ADAMTSL1: variants seen among roughly 807,000 people sequenced by gnomAD.
ADAMTSL1 encodes the protein ADAMTS-like protein 1.
In ADAMTSL1, 126 loss-of-function variants were observed where a neutral mutation model predicts 201.8. The ratio of observed to expected loss-of-function variants is 0.62; its 90% CI spans 0.54 to 0.72. The LOEUF (loss-of-function observed/expected upper bound fraction) is 0.72. Ranked by LOEUF, ADAMTSL1 falls within the 30% of genes least tolerant of loss-of-function variation. The pLI is 0.00. For missense variants in ADAMTSL1, 2,679 were observed against 2,277.8 expected (o/e 1.18, Z -3.59); for synonymous variants, 1,121 against 903.4 (o/e 1.24, Z -4.32).
At chr9:17,946,742 T>A (rs1179206910) in intron 1 of ADAMTSL1, among the ~76,000 whole-genome samples, 3 of 152,194 alleles carry the variant, frequency 2.0e-5, no homozygotes, top group Non-Finnish European at 2.9e-5. Flanking sequence ...TTATTTCAGT[T>A]GCTCCCTTGC....
chr9:17,954,215 C>G (rs1269471376), intron 1 of ADAMTSL1, among the ~76,000 whole-genome samples: 1 of 152,182 alleles, frequency 6.6e-6, no homozygotes, highest in East Asian at 1.9e-4. Context: ...CAGCTGGCTT[C>G]TCCTAGAGTA....
chr9:18,872,584 A>G (rs746446204), intron 23 of ADAMTSL1, among the ~76,000 whole-genome samples: 1 of 152,162 alleles, frequency 6.6e-6, no homozygotes, highest in Non-Finnish European at 1.5e-5. Context: ...AGAACATAAA[A>G]TGTTTGGTTT....
At chr9:18,399,318 TATATATATATAA>T (rs1413817093) in intron 2 of ADAMTSL1, among the ~76,000 whole-genome samples, 1 of 100,796 alleles carries the variant, frequency 9.9e-6, no homozygotes, top group African/African-American at 3.7e-5. Context: ...TATATATATA[TATATATATATAA>T]AATTATTATT....
chr9:18,715,077 T>G (rs199532385), intron 14 of ADAMTSL1, among the ~76,000 whole-genome samples: 277 of 77,964 alleles, frequency 3.6e-3, no homozygotes, highest in Non-Finnish European at 5.1e-3. Context: ...AGGTATTGAT[T>G]GGACGTATTT....
At position 18,509,109 on chromosome 9, in the gene ADAMTSL1, G is replaced by A. The variant is rs533552900; in HGVS notation, c.191+4153G>A. 2.7e-4 allele frequency among the ~76,000 whole-genome samples: 33 copies of A among 123,024 alleles called. 1 individual carries two copies. The highest frequency in any genetic ancestry group is 7.5e-4 in the African/African-American group (22 of 29,146). 80.7% of individuals were successfully genotyped at this position (123,024 alleles called of 152,430 possible). ...TGAGGCAGGAGAATGGCGTGAACCC[G>A]GGAGGCGGAGCTTGCAGTGAGCCGA... On this transcript the variant is annotated intron_variant, in intron 2 of 28. Coordinates refer to ENST00000380548, the MANE Select transcript of ADAMTSL1 (RefSeq NM_001040272.6).
At chr9:18,107,449 G>A (rs1008620339) in intron 1 of ADAMTSL1, among the ~76,000 whole-genome samples, 2 of 152,280 alleles carry the variant, frequency 1.3e-5, no homozygotes, top group African/African-American at 2.4e-5. Flanking sequence ...AATCCACAGT[G>A]ACAGACACTA....
intron 1 of ADAMTSL1, among the ~76,000 whole-genome samples, chr9:18,148,542 G>A (rs1826761248): frequency 6.6e-6 from 1 of 151,952 alleles, no homozygotes. Context: ...GGACAAGAAC[G>A]AGCAAATTAC....
At chr9:18,469,875 C>G (rs1821141089), upstream of ADAMTSL1, among the ~76,000 whole-genome samples, 1 of 152,182 alleles carries the variant, frequency 6.6e-6, no homozygotes, top group Non-Finnish European at 1.5e-5. Context: ...GCAAGGGAGT[C>G]TAGAAAATGT....
intron 1 of ADAMTSL1, among the ~76,000 whole-genome samples, chr9:18,005,939 A>G (rs1271863346): frequency 6.6e-6 from 1 of 151,992 alleles, no homozygotes; most frequent in African/African-American, 2.4e-5. Context: ...CAGTCATAAA[A>G]TCTATCTCAT....
intron 3 of ADAMTSL1, among the ~76,000 whole-genome samples, chr9:18,563,672 TGA>T (rs1821689622): frequency 1.3e-5 from 2 of 152,224 alleles, no homozygotes; most frequent in Non-Finnish European, 2.9e-5. Flanking sequence ...TGTAAGCCCC[TGA>T]CTGGGGCTGC....
In ADAMTSL1 at chr9:18,896,153, G is replaced by C. The variant is rs142172943; in HGVS notation, c.4851+3557G>C. On this transcript the variant is annotated intron_variant, in intron 26 of 28. Transcript: ENST00000380548. ...TCTCAGAAGAAGAAAGGAGTTGAAAGATTATTTGCAGAAATAATGGCCAAA... is the reference window on the plus strand; with the variant it reads ...TCTCAGAAGAAGAAAGGAGTTGAAACATTATTTGCAGAAATAATGGCCAAA... Among the ~76,000 whole-genome samples, 9 of 152,262 alleles carry C rather than the reference G, an allele frequency of 5.9e-5. No individual in the cohort carries two copies. In the East Asian group the frequency reaches 1.7e-3, roughly 29 times the overall value.
intron 1 of ADAMTSL1, among the ~76,000 whole-genome samples, chr9:18,096,578 C>G (rs1824262923): frequency 6.6e-6 from 1 of 152,208 alleles, no homozygotes; most frequent in South Asian, 2.1e-4. Flanking sequence ...TGTTCTCTGT[C>G]ACATTCTTCA....
chr9:18,359,851 C>A (rs1322270363), intron 2 of ADAMTSL1, among the ~76,000 whole-genome samples: 1 of 102,770 alleles, frequency 9.7e-6, no homozygotes, highest in Non-Finnish European at 1.9e-5. Flanking sequence ...ACAAAATGCC[C>A]CACCCCTGCT....
At chr9:18,339,182 G>A (rs2132952508) in intron 2 of ADAMTSL1, among the ~76,000 whole-genome samples, 1 of 152,194 alleles carries the variant, frequency 6.6e-6, no homozygotes, top group Middle Eastern at 3.4e-3. Flanking sequence ...CCTACAGAAT[G>A]GGAAAAAATA....
At position 18,211,157 on chromosome 9, in the gene ADAMTSL1, C is replaced by T. The variant is rs193296250; in HGVS notation, c.207+47176C>T. On this transcript the variant is annotated intron_variant, in intron 2 of 29. Coordinates refer to the ADAMTSL1 transcript ENST00000680146. ...CCTAATTTATTTTCTATCTCCTTTTCCCAAAAGCAATACACAGTCGCCAGT... is the reference window on the plus strand; with the variant it reads ...CCTAATTTATTTTCTATCTCCTTTTTCCAAAAGCAATACACAGTCGCCAGT... Among the ~76,000 whole-genome samples, 3 of 152,244 alleles carry T rather than the reference C, an allele frequency of 2.0e-5. No individual in the cohort carries two copies. In the East Asian group the frequency reaches 5.8e-4, roughly 29 times the overall value.
At chr9:18,856,184 C>G (rs1826834404) in intron 23 of ADAMTSL1, among the ~76,000 whole-genome samples, 1 of 152,094 alleles carries the variant, frequency 6.6e-6, no homozygotes, top group Non-Finnish European at 1.5e-5. Context: ...AATGGTATAA[C>G]TGCCGAGATA....
chr9:18,560,742 G>A (rs1821431536), intron 3 of ADAMTSL1, among the ~76,000 whole-genome samples: 1 of 151,796 alleles, frequency 6.6e-6, no homozygotes, highest in South Asian at 2.1e-4. Flanking sequence ...TTGGGAGGGT[G>A]TATGCCCAGA....
At chr9:18,663,260 T>A (rs1829218590) in intron 9 of ADAMTSL1, among the ~76,000 whole-genome samples, 1 of 152,088 alleles carries the variant, frequency 6.6e-6, no homozygotes, top group African/African-American at 2.4e-5. Flanking sequence ...ATTCCCTACC[T>A]CATAAAAGTG....
chr9:18,356,771 G>A (rs907793868), intron 2 of ADAMTSL1, among the ~76,000 whole-genome samples: 1 of 152,094 alleles, frequency 6.6e-6, no homozygotes, highest in South Asian at 2.1e-4. Flanking sequence ...ATGAATCTAA[G>A]TAAATGAAGA....
Sources: gnomAD v4.1 joint callset for allele counts (sites outside exome capture counted in the v4.1 genomes callset) on GRCh38, gnomAD v4.1.1 for gene constraint, MANE v1.5 for transcripts, NCBI Gene and HGNC (gene_info 2026-07-23, HGNC 2026-07-21) for gene names.